Variants in MAD1L1 observed in about 807,000 individuals in gnomAD.
MAD1L1 encodes mitotic arrest deficient 1 like 1.
Under a neutral mutation model 96.9 loss-of-function variants are expected in MAD1L1, and 95 were observed. The ratio of observed to expected loss-of-function variants is 0.98; its 90% CI spans 0.83 to 1.16. The LOEUF (loss-of-function observed/expected upper bound fraction) is 1.16, where lower values mean the gene tolerates loss of function less well. Among genes scored for constraint, MAD1L1 ranks in the 50% most tolerant of loss-of-function variants. The probability of loss-of-function intolerance (pLI) is 0.00; values close to 1 mark genes in which losing one functional copy is unlikely to be tolerated. For synonymous variants in MAD1L1, 473 were observed against 396.6 expected (o/e 1.19, Z -2.29); for missense variants, 1,007 against 954.4 (o/e 1.06, Z -0.73).
rs547621745 is a variant in MAD1L1, at chr7:2,007,346, G to A, written c.1360-5225C>T. ...GCAGTAACGCGTCACTGGACCCCGC[G>A]TGTTGCCACGGTATGGCCGCTGGGA... On this transcript the variant is annotated intron_variant, in intron 13 of 18. Coordinates refer to ENST00000265854, the MANE Select transcript of MAD1L1 (RefSeq NM_001013836.2). Among the ~76,000 whole-genome samples, 15 of 152,352 alleles carry A rather than the reference G, an allele frequency of 9.8e-5. No individual in the cohort carries two copies. In the South Asian group the frequency reaches 1.2e-3, roughly 13 times the overall value.
chr7:2,132,351 C>T (rs749676851), intron 11 of MAD1L1, among the ~76,000 whole-genome samples: 1 of 152,150 alleles, frequency 6.6e-6, no homozygotes, highest in African/African-American at 2.4e-5. Flanking sequence ...CGGGTTTAGA[C>T]GAACGCATGT....
chr7:2,019,863 C>A (rs1270451090), intron 12 of MAD1L1, among the ~76,000 whole-genome samples: 2 of 152,242 alleles, frequency 1.3e-5, no homozygotes, highest in African/African-American at 2.4e-5. Context: ...TCCTGTCTGT[C>A]CCTCGCTTCT....
chr7:1,833,971 C>T (rs558130239), intron 18 of MAD1L1, among the ~76,000 whole-genome samples: 5 of 152,158 alleles, frequency 3.3e-5, no homozygotes, highest in East Asian at 1.9e-4. Context: ...GGATTTAGAC[C>T]GTTCCGAGAA....
intron 14 of MAD1L1, among the ~76,000 whole-genome samples, chr7:1,986,330 ACGCCAG>A (rs1476609342): frequency 1.4e-4 from 4 of 29,402 alleles, no homozygotes; most frequent in African/African-American, 3.9e-4. Flanking sequence ...TTGGAACCAC[ACGCCAG>A]TCCAGCTTGG....
chr7:2,056,000 TAA>T (rs1562644015), intron 12 of MAD1L1, among the ~76,000 whole-genome samples: 1 of 151,964 alleles, frequency 6.6e-6, no homozygotes, highest in Non-Finnish European at 1.5e-5. Context: ...AATAAATAAA[TAA>T]AAAACACAAA....
chr7:2,191,872 A>C (rs889054455), intron 10 of MAD1L1, among the ~76,000 whole-genome samples: 16 of 152,122 alleles, frequency 1.1e-4, no homozygotes, highest in African/African-American at 3.6e-4. Context: ...CTCTACTAAA[A>C]ATACAAAAAC....
intron 15 of MAD1L1, 49 bp downstream of exon 15, chr7:1,980,404 C>T: frequency 6.5e-7 from 1 of 1,535,382 alleles, no homozygotes; most frequent in Non-Finnish European, 8.9e-7. Context: ...TCCGCCTCCT[C>T]TCTGGGGGAC....
chr7:2,059,578 G>T, intron 12 of MAD1L1, among the ~76,000 whole-genome samples: 1 of 149,676 alleles, frequency 6.7e-6, no homozygotes, highest in African/African-American at 2.5e-5. Context: ...GGCCAGGGGA[G>T]GGGAGAGGAG....
intron 16 of MAD1L1, among the ~76,000 whole-genome samples, chr7:1,938,956 GCA>G (rs1778783225): frequency 9.0e-6 from 1 of 110,544 alleles, no homozygotes. Context: ...GACCAGAGGC[GCA>G]CACACACGGG....
chr7:1,862,726 T>C (rs1004054291), intron 18 of MAD1L1, among the ~76,000 whole-genome samples: 5 of 152,078 alleles, frequency 3.3e-5, no homozygotes, highest in East Asian at 3.9e-4. Context: ...TTAGCTTCAA[T>C]AGGCCCAGTG....
intron 14 of MAD1L1, among the ~76,000 whole-genome samples, chr7:1,988,009 C>T (rs1253696920): frequency 2.0e-5 from 3 of 152,208 alleles, no homozygotes; most frequent in Non-Finnish European, 2.9e-5. Context: ...GGCATCCTCA[C>T]CGAGGACCTG....
intron 18 of MAD1L1, chr7:1,847,385 G>A (rs1335411726): frequency 1.5e-5 from 7 of 470,920 alleles, no homozygotes; most frequent in East Asian, 6.9e-5. Context: ...GCAGCGTTAC[G>A]TGACTTGGGA....
At chr7:2,051,820 A>C (rs1584194690) in intron 12 of MAD1L1, among the ~76,000 whole-genome samples, 1 of 47,018 alleles carries the variant, frequency 2.1e-5, no homozygotes, top group Non-Finnish European at 4.4e-5. Context: ...CCCATCCCCC[A>C]CCAGCTGCCT....
At chr7:1,932,969 CT>C (rs1789566743) in intron 17 of MAD1L1, among the ~76,000 whole-genome samples, 1 of 152,228 alleles carries the variant, frequency 6.6e-6, no homozygotes, top group African/African-American at 2.4e-5. Flanking sequence ...TGCCTTCCCC[CT>C]GCTCACTGCT....
chr7:1,890,928 G>A (rs1304606489), intron 18 of MAD1L1, among the ~76,000 whole-genome samples: 1 of 152,224 alleles, frequency 6.6e-6, no homozygotes, highest in Non-Finnish European at 1.5e-5. Flanking sequence ...CCATGCAACA[G>A]TGAGAATGCG....
intron 15 of MAD1L1, among the ~76,000 whole-genome samples, chr7:1,970,534 A>G (rs1780359264): frequency 1.3e-5 from 2 of 151,990 alleles, no homozygotes; most frequent in Non-Finnish European, 2.9e-5. Context: ...GGGTTTCGCT[A>G]TGTTGGCCAG....
intron 18 of MAD1L1, among the ~76,000 whole-genome samples, chr7:1,876,059 G>T (rs923153309): frequency 6.6e-6 from 1 of 152,184 alleles, no homozygotes; most frequent in South Asian, 2.1e-4. Flanking sequence ...ACACGTTTGC[G>T]GTCTCAGCCC....
intron 13 of MAD1L1, among the ~76,000 whole-genome samples, chr7:2,010,899 G>C (rs1044524738): frequency 6.6e-6 from 1 of 152,182 alleles, no homozygotes; most frequent in Non-Finnish European, 1.5e-5. Flanking sequence ...AGGAGTGTGA[G>C]TGGGGGACAG....
intron 17 of MAD1L1, among the ~76,000 whole-genome samples, chr7:1,912,080 T>A (rs925413944): frequency 2.6e-5 from 4 of 152,266 alleles, no homozygotes; most frequent in Middle Eastern, 6.8e-3. Flanking sequence ...GGAGTACACA[T>A]AGCTGTCGGG....
Sources: allele counts gnomAD v4.1 joint callset (sites outside exome capture counted in the v4.1 genomes callset), GRCh38; gene constraint gnomAD v4.1.1; transcripts MANE v1.5; gene names NCBI Gene and HGNC (gene_info 2026-07-23, HGNC 2026-07-21).